ADGRB3: variants seen among roughly 807,000 people sequenced by gnomAD.
ADGRB3 encodes the protein brain-specific angiogenesis inhibitor 3.
ADGRB3 carries 37 observed loss-of-function variants against 193.4 expected under a neutral mutation model. The observed-to-expected ratio is 0.19, with a 90% CI of 0.15 to 0.25. The LOEUF (loss-of-function observed/expected upper bound fraction) is 0.25. ADGRB3 is among the 10% of genes least tolerant of loss of function. ADGRB3 has a pLI of 1.00. For missense variants in ADGRB3, 1,637 were observed against 1,852.9 expected (o/e 0.88, Z 2.14); for synonymous variants, 690 against 644.2 (o/e 1.07, Z -1.08).
rs894220672 is a variant in ADGRB3 at position 68,827,602 on chromosome 6, T to A, written c.758-102957T>A. Among the ~76,000 whole-genome samples the A allele has an allele frequency of 3.3e-5, 5 of 152,166 alleles. No individual in the cohort carries two copies. In the East Asian group the frequency reaches 5.8e-4, roughly 18 times the overall value. ...TCTAATGTGTTATAAGTGGAGGAGC[T>A]AGTCTTTGTTAAGTGCCAAGAGAGC... On this transcript the variant is annotated intron_variant, in intron 3 of 31. Coordinates refer to ENST00000370598, the MANE Select transcript of ADGRB3 (RefSeq NM_001704.3).
At chr6:69,086,170 T>C (rs1461463221) in intron 17 of ADGRB3, among the ~76,000 whole-genome samples, 1 of 152,122 alleles carries the variant, frequency 6.6e-6, no homozygotes, top group Non-Finnish European at 1.5e-5. Flanking sequence ...TTTAAAAATA[T>C]ACATAAACAT....
chr6:69,232,407 T>G (rs1231180257), intron 17 of ADGRB3: 4 of 1,448,646 alleles, frequency 2.8e-6, no homozygotes. Context: ...AAATAAACCA[T>G]ATGCTTTAGC....
At chr6:69,091,935 G>A (rs1459318860) in intron 17 of ADGRB3, among the ~76,000 whole-genome samples, 1 of 152,102 alleles carries the variant, frequency 6.6e-6, no homozygotes, top group Non-Finnish European at 1.5e-5. Context: ...GGAAAATAAT[G>A]TTTGAATGAG....
intron 30 of ADGRB3, among the ~76,000 whole-genome samples, chr6:69,375,102 A>T (rs1769786963): frequency 6.6e-6 from 1 of 152,122 alleles, no homozygotes; most frequent in South Asian, 2.1e-4. Flanking sequence ...GACTAAAGTG[A>T]GTAATTTAGA....
intron 26 of ADGRB3, among the ~76,000 whole-genome samples, chr6:69,342,140 A>G (rs978716395): frequency 6.6e-6 from 1 of 152,176 alleles, no homozygotes; most frequent in Non-Finnish European, 1.5e-5. Flanking sequence ...ACAAGTAATT[A>G]AATCAATCAT....
At chr6:68,721,816 C>T (rs1294186826) in intron 3 of ADGRB3, among the ~76,000 whole-genome samples, 1 of 150,832 alleles carries the variant, frequency 6.6e-6, no homozygotes, top group Non-Finnish European at 1.5e-5. Context: ...TCAGTAAATT[C>T]TTCTTTCCCA....
chr6:69,331,529 C>T (rs893766851), intron 23 of ADGRB3: 4 of 985,100 alleles, frequency 4.1e-6, no homozygotes, highest in Non-Finnish European at 4.8e-6. Flanking sequence ...TTTTTTCTCC[C>T]TTTAAGCTTG....
At chr6:68,736,087 C>G (rs982495117) in intron 3 of ADGRB3, among the ~76,000 whole-genome samples, 2 of 152,012 alleles carry the variant, frequency 1.3e-5, no homozygotes, top group African/African-American at 4.8e-5. Flanking sequence ...TCATGGCTCA[C>G]TGTAGCCTCA....
chr6:69,381,830 A>G (rs73475325), intron 30 of ADGRB3, among the ~76,000 whole-genome samples: 6,287 of 152,048 alleles, frequency 0.041, 428 homozygotes, highest in African/African-American at 0.14. Flanking sequence ...ATGGTAAGTT[A>G]TGAGGCATAT....
intron 17 of ADGRB3, among the ~76,000 whole-genome samples, chr6:69,148,051 CA>C (rs1774556367): frequency 6.6e-6 from 1 of 152,068 alleles, no homozygotes; most frequent in Non-Finnish European, 1.5e-5. Flanking sequence ...CTCTTGTAGG[CA>C]AAAGATCACT....
At chr6:68,678,288 T>C (rs907541078) in intron 3 of ADGRB3, among the ~76,000 whole-genome samples, 3 of 152,196 alleles carry the variant, frequency 2.0e-5, no homozygotes, top group Non-Finnish European at 4.4e-5. Flanking sequence ...TCAGTATTAA[T>C]GAATCCATCC....
At chr6:68,917,322 C>T (rs768346126) in intron 3 of ADGRB3, among the ~76,000 whole-genome samples, 2 of 152,142 alleles carry the variant, frequency 1.3e-5, no homozygotes, top group African/African-American at 2.4e-5. Context: ...CCTCGTGTGG[C>T]CACTCATTCC....
chr6:69,334,457 A>G (rs1768798725), intron 24 of ADGRB3, among the ~76,000 whole-genome samples: 1 of 152,206 alleles, frequency 6.6e-6, no homozygotes, highest in Non-Finnish European at 1.5e-5. Context: ...AACATGACTG[A>G]AAGTTTCTTC....
chr6:69,364,400 C>T (rs1292902022), intron 29 of ADGRB3, among the ~76,000 whole-genome samples: 1 of 152,006 alleles, frequency 6.6e-6, no homozygotes, highest in Non-Finnish European at 1.5e-5. Context: ...AAGAAGGAGG[C>T]TCCCCAACCC....
intron 17 of ADGRB3, among the ~76,000 whole-genome samples, chr6:69,108,622 A>G (rs1183736671): frequency 2.0e-5 from 3 of 152,152 alleles, no homozygotes; most frequent in Non-Finnish European, 2.9e-5. Flanking sequence ...AGGTGCTATA[A>G]AAGAGAAGAA....
At chr6:69,289,167 A>C (rs13219597) in intron 20 of ADGRB3, among the ~76,000 whole-genome samples, 1 of 152,184 alleles carries the variant, frequency 6.6e-6, no homozygotes, top group East Asian at 1.9e-4. Flanking sequence ...ATTTTAAAGC[A>C]ATTGTAAAAG....
At chr6:69,350,846 T>G (rs1390389557) in intron 26 of ADGRB3, among the ~76,000 whole-genome samples, 1 of 151,998 alleles carries the variant, frequency 6.6e-6, no homozygotes, top group Non-Finnish European at 1.5e-5. Context: ...CAATTATTCT[T>G]CATCAGCACA....
At chr6:68,774,960 G>A (rs1230967599) in intron 3 of ADGRB3, among the ~76,000 whole-genome samples, 4 of 151,962 alleles carry the variant, frequency 2.6e-5, no homozygotes, top group Non-Finnish European at 5.9e-5. Flanking sequence ...AGGAGTTCTG[G>A]AAGACAACAT....
chr6:68,762,825 T>C (rs1279217556), intron 3 of ADGRB3, among the ~76,000 whole-genome samples: 1 of 152,104 alleles, frequency 6.6e-6, no homozygotes. Context: ...TCAAAAAACC[T>C]GCTAAGTGAA....
Sources: gnomAD v4.1 joint callset for allele counts (sites outside exome capture counted in the v4.1 genomes callset) on GRCh38, gnomAD v4.1.1 for gene constraint, MANE v1.5 for transcripts, NCBI Gene and HGNC (gene_info 2026-07-23, HGNC 2026-07-21) for gene names.